IL33: variants seen among roughly 807,000 people sequenced by gnomAD.
IL33 encodes interleukin 33.
In IL33, 37 loss-of-function variants were observed where a neutral mutation model predicts 27.3. That is an observed-to-expected ratio of 1.36 (90% CI 1.04 to 1.78). The LOEUF (loss-of-function observed/expected upper bound fraction) is 1.78. Ranked by LOEUF, IL33 falls within the 40% of genes most tolerant of loss-of-function variation. IL33 has a pLI of 0.00. For missense variants in IL33, 406 were observed against 311.4 expected (o/e 1.30, Z -2.29); for synonymous variants, 132 against 102.9 (o/e 1.28, Z -1.71).
chr9:6,216,274 G>C (rs551936389), intron 1 of IL33, among the ~76,000 whole-genome samples: 12 of 152,260 alleles, frequency 7.9e-5, no homozygotes, highest in African/African-American at 2.6e-4. Context: ...GGAACTACAG[G>C]CACACGCCAC....
chr9:6,249,935 C>T (rs542706784), intron 2 of IL33, among the ~76,000 whole-genome samples: 1 of 152,126 alleles, frequency 6.6e-6, no homozygotes, highest in South Asian at 2.1e-4. Context: ...AGCAATCCCT[C>T]CAAAATTATT....
intron 1 of IL33, among the ~76,000 whole-genome samples, chr9:6,216,625 G>T (rs1209013512): frequency 1.3e-5 from 2 of 152,072 alleles, no homozygotes; most frequent in African/African-American, 4.8e-5. Context: ...GTGGGCACCT[G>T]TAATCCCAGC....
intron 1 of IL33, among the ~76,000 whole-genome samples, chr9:6,230,072 G>T (rs10975499): frequency 6.6e-6 from 1 of 151,946 alleles, no homozygotes; most frequent in Admixed American, 6.6e-5. Flanking sequence ...TATGGAGGGA[G>T]GGGTAAGTAA....
chr9:6,256,030 C>T lies in IL33; in HGVS notation c.675C>T (p.Ser225=), dbSNP rs1816710362. ...QAFFVLHNMH[S]NCVSFECKTD... is the part of the protein sequence containing the mutation. ...TCTTTGTCCTTCATAATATGCACTC[C>T]AACTGTGTTTCATTTGAATGCAAGA... The change falls in exon 8 of 8, where the codon TCC becomes TCT. Residue 225 remains serine, a synonymous_variant. Coordinates refer to ENST00000682010, the MANE Select transcript of IL33 (RefSeq NM_033439.4). 3.7e-6 allele frequency: 6 copies of T among 1,613,542 alleles called. No individual in the cohort carries two copies. Among genetic ancestry groups the T allele is most frequent in the Non-Finnish European group, 5.1e-6 (6 of 1,179,656 alleles).
rs780096361 is a variant in IL33 at position 6,253,006 on chromosome 9, T to C, written c.469+15T>C. The C allele has an allele frequency of 4.0e-5, 58 of 1,434,494 alleles. No individual in the cohort carries two copies. Among genetic ancestry groups the C allele is most frequent in the Non-Finnish European group, 5.5e-5 (58 of 1,048,338 alleles). 88.9% of individuals were successfully genotyped at this position (1,434,494 alleles called of 1,614,324 possible). A position where few individuals can be genotyped will look rare whatever the true frequency, so the allele number is the denominator to read the frequency against. ...TGAAAAGAAAGGTAGATTATTTTCT[T>C]TTTCTATAATAATGTAATAATGACT... On this transcript the variant is annotated intron_variant, in intron 5 of 7. Transcript: ENST00000682010.
chr9:6,215,680 C>T (rs974899802), upstream of IL33: 2 of 152,192 alleles, frequency 1.3e-5, no homozygotes, highest in African/African-American at 4.8e-5. Flanking sequence ...AGAATTGTAA[C>T]TCTGTTGGCT....
At chr9:6,236,302 GAT>G (rs773166370) in intron 1 of IL33, among the ~76,000 whole-genome samples, 32 of 152,164 alleles carry the variant, frequency 2.1e-4, no homozygotes, top group Admixed American at 3.9e-4. Flanking sequence ...AAATAAAAGA[GAT>G]GTGTATAATT....
At chr9:6,240,695 A>T (rs1819477989) in intron 1 of IL33, among the ~76,000 whole-genome samples, 1 of 152,208 alleles carries the variant, frequency 6.6e-6, no homozygotes. Context: ...GTAGGTCGTT[A>T]CTGACCACGA....
intron 5 of IL33, 98 bp downstream of exon 5, chr9:6,253,089 A>T (rs748350130): frequency 2.5e-5 from 21 of 834,746 alleles, no homozygotes; most frequent in Middle Eastern, 3.7e-4. Context: ...ATTAACTTAG[A>T]CATGGCAAAC....
In IL33 at chr9:6,251,165, A is replaced by T; in HGVS notation, c.243A>T (p.Val81=). The change falls in exon 4 of 8, where the codon GTA becomes GTT. Residue 81 remains valine (V), a synonymous_variant. Coordinates refer to ENST00000682010, the MANE Select transcript of IL33 (RefSeq NM_033439.4). ...GTAGAAAGCACAAAAGACATCTGGT[A>T]CTCGCTGCCTGTCAACAGCAGTCTA... The part of the protein sequence containing the change: ...KTGRKHKRHL[V]LAACQQQSTV... 2 of 1,613,892 alleles carry T rather than the reference A, an allele frequency of 1.2e-6. No individual in the cohort carries two copies. The highest frequency in any genetic ancestry group is 2.2e-5 in the East Asian group (1 of 44,882).
intron 1 of IL33, among the ~76,000 whole-genome samples, chr9:6,226,951 G>C (rs987190348): frequency 6.6e-6 from 1 of 152,196 alleles, no homozygotes. Flanking sequence ...ACTTGTATTT[G>C]CCTTGGGGCA....
At chr9:6,220,282 T>C (rs1032567282) in intron 1 of IL33, among the ~76,000 whole-genome samples, 2 of 152,204 alleles carry the variant, frequency 1.3e-5, no homozygotes, top group Non-Finnish European at 2.9e-5. Context: ...ATGATTGTCA[T>C]AATTTTCCCT....
chr9:6,234,551 T>C (rs1819087249), intron 1 of IL33, among the ~76,000 whole-genome samples: 1 of 152,164 alleles, frequency 6.6e-6, no homozygotes, highest in African/African-American at 2.4e-5. Context: ...CTCAGCCACT[T>C]GGTAACTGCA....
intron 1 of IL33, among the ~76,000 whole-genome samples, chr9:6,220,165 TTTCCAGAACTAAGAAGTTCACCCACA>T: frequency 6.6e-6 from 1 of 152,194 alleles, no homozygotes; most frequent in East Asian, 1.9e-4. Context: ...CCCATTGCTA[TTTCCAGAACTAAGAAGTTCACCCACA>T]AACTTGGCTG....
At chr9:6,251,432 G>A (rs192553315) in intron 4 of IL33, among the ~76,000 whole-genome samples, 167 bp downstream of exon 4, 2 of 152,224 alleles carry the variant, frequency 1.3e-5, no homozygotes, top group East Asian at 3.9e-4. Flanking sequence ...CAAAGTAGGT[G>A]CAAGGTAGCT....
At chr9:6,224,187 G>C (rs1469074845) in intron 1 of IL33, among the ~76,000 whole-genome samples, 1 of 152,000 alleles carries the variant, frequency 6.6e-6, no homozygotes, top group African/African-American at 2.4e-5. Context: ...TCAGATGAAG[G>C]CTCCCAGAAC....
intron 2 of IL33, among the ~76,000 whole-genome samples, chr9:6,246,434 C>A (rs578130600): frequency 1.3e-5 from 2 of 152,120 alleles, no homozygotes; most frequent in Admixed American, 1.3e-4. Flanking sequence ...CCGTGGCGCA[C>A]GCCTGTAGTC....
At chr9:6,226,222 C>G (rs1252276115) in intron 1 of IL33, among the ~76,000 whole-genome samples, 5 of 151,926 alleles carry the variant, frequency 3.3e-5, no homozygotes. Flanking sequence ...CTATGTTGCC[C>G]AGGCTAGTCT....
At chr9:6,248,516 T>C (rs1331889438) in intron 2 of IL33, among the ~76,000 whole-genome samples, 1 of 152,178 alleles carries the variant, frequency 6.6e-6, no homozygotes, top group Non-Finnish European at 1.5e-5. Context: ...CCTCACCAGA[T>C]GCCAGCATAA....
Sources: gnomAD v4.1 joint callset for allele counts (sites outside exome capture counted in the v4.1 genomes callset) on GRCh38, gnomAD v4.1.1 for gene constraint, MANE v1.5 for transcripts, NCBI Gene and HGNC (gene_info 2026-07-23, HGNC 2026-07-21) for gene names.